The following SAMD12 variants were observed in gnomAD, a reference collection of about 807,000 sequenced individuals.
The protein encoded by SAMD12 is sterile alpha motif domain-containing protein 12.
A neutral mutation model predicts 15.0 loss-of-function variants in SAMD12; 9 were observed. The observed-to-expected ratio is 0.60, with a 90% CI of 0.36 to 1.05. The LOEUF (loss-of-function observed/expected upper bound fraction) is 1.05. SAMD12 is among the 50% of genes least tolerant of loss of function. The pLI, the probability that SAMD12 is intolerant of heterozygous loss-of-function variation, is 0.01. For synonymous variants in SAMD12, 86 were observed against 90.1 expected (o/e 0.96, Z 0.25); for missense variants, 230 against 234.2 (o/e 0.98, Z 0.12).
chr8:118,331,942 G>T (rs1294234110), intron 4 of SAMD12, among the ~76,000 whole-genome samples: 3 of 152,142 alleles, frequency 2.0e-5, no homozygotes, highest in Admixed American at 2.0e-4. Flanking sequence ...TTAGAACATA[G>T]ATTTTAAACA....
chr8:118,614,900 C>T (rs1828204085), intron 1 of SAMD12, among the ~76,000 whole-genome samples: 1 of 152,226 alleles, frequency 6.6e-6, no homozygotes, highest in Admixed American at 6.5e-5. Flanking sequence ...GGTGCTGCTA[C>T]ATTCCACTTC....
Position 118,489,576 on chromosome 8 carries a change from C to T in SAMD12, c.193-49615G>A, listed in dbSNP as rs545959224. On this transcript the variant is annotated intron_variant, in intron 2 of 3. Transcript: ENST00000314727. ...CCTTAAAGATCTCTAGAGAAACCAC[C>T]TTGATAAATTTCTTTCAGTAGCCTG... Among the ~76,000 whole-genome samples, 420 of 152,230 alleles carry T rather than the reference C, an allele frequency of 2.8e-3. 1 individual carries two copies. Among genetic ancestry groups the T allele is most frequent in the African/African-American group, 9.5e-3 (393 of 41,544 alleles).
At chr8:118,468,272 G>C (rs1218132713) in intron 2 of SAMD12, among the ~76,000 whole-genome samples, 1 of 152,128 alleles carries the variant, frequency 6.6e-6, no homozygotes, top group African/African-American at 2.4e-5. Context: ...GATTCACCAG[G>C]TGGTAACATG....
chr8:118,562,153 T>C (rs1183366708), intron 2 of SAMD12, among the ~76,000 whole-genome samples: 2 of 152,244 alleles, frequency 1.3e-5, no homozygotes, highest in South Asian at 2.1e-4. Flanking sequence ...CAAAGGCTTA[T>C]GAGTTCCTGA....
At chr8:118,461,496 T>A (rs1401900003) in intron 2 of SAMD12, among the ~76,000 whole-genome samples, 1 of 152,190 alleles carries the variant, frequency 6.6e-6, no homozygotes, top group Admixed American at 6.5e-5. Flanking sequence ...CCAATTCCGT[T>A]CTTCTCAGCA....
chr8:118,619,696 G>T (rs1828342579), intron 1 of SAMD12, among the ~76,000 whole-genome samples: 1 of 152,104 alleles, frequency 6.6e-6, no homozygotes, highest in Admixed American at 6.5e-5. Flanking sequence ...TAACCCCCAA[G>T]GGGGTTAGAG....
At chr8:118,468,124 A>C (rs1823649869) in intron 2 of SAMD12, among the ~76,000 whole-genome samples, 1 of 152,214 alleles carries the variant, frequency 6.6e-6, no homozygotes, top group African/African-American at 2.4e-5. Flanking sequence ...ACTGTAACAC[A>C]CAGCAGAGTA....
chr8:118,502,694 A>C (rs1824818759), intron 2 of SAMD12, among the ~76,000 whole-genome samples: 1 of 152,248 alleles, frequency 6.6e-6, no homozygotes, highest in African/African-American at 2.4e-5. Flanking sequence ...CACCGCTATA[A>C]TTTTGAAGAA....
intron 2 of SAMD12, among the ~76,000 whole-genome samples, chr8:118,464,063 A>G (rs947117440): frequency 6.6e-6 from 1 of 152,210 alleles, no homozygotes; most frequent in Non-Finnish European, 1.5e-5. Flanking sequence ...TCATAAGAGC[A>G]ACAGTGTTGC....
At chr8:118,463,445 T>TA (rs749430868) in intron 2 of SAMD12, among the ~76,000 whole-genome samples, 36 of 152,150 alleles carry the variant, frequency 2.4e-4, no homozygotes, top group South Asian at 6.2e-4. Context: ...TGTGGGAAGT[T>TA]GAGCAGGTGG....
chr8:118,386,534 G>C (rs1263325790), intron 3 of SAMD12, among the ~76,000 whole-genome samples: 1 of 152,186 alleles, frequency 6.6e-6, no homozygotes, highest in African/African-American at 2.4e-5. Context: ...ACCTGATGCT[G>C]TTGGGTGGAT....
In SAMD12 at chr8:118,285,322, T is replaced by C. The variant is rs970447759; in HGVS notation, c.434-87590A>G. ...GAGAGATCCAATAGTCCCTATGTTA[T>C]AGTGATCATATAAACTTTGGAGACT... On this transcript the variant is annotated intron_variant, in intron 4 of 4. Transcript: ENST00000409003. Among the ~76,000 whole-genome samples the C allele has an allele frequency of 3.9e-5, 6 of 152,198 alleles. 1 individual carries two copies. In the South Asian group the frequency reaches 1.2e-3, roughly 31 times the overall value.
chr8:118,318,327 T>TATATACATATAC (rs1816038406), intron 4 of SAMD12, among the ~76,000 whole-genome samples: 1 of 35,056 alleles, frequency 2.9e-5, no homozygotes, highest in African/African-American at 7.7e-5. Flanking sequence ...TATATATATA[T>TATATACATATAC]ATATATATAT....
chr8:118,277,181 C>G (rs932308072), intron 4 of SAMD12, among the ~76,000 whole-genome samples: 1 of 152,184 alleles, frequency 6.6e-6, no homozygotes, highest in Non-Finnish European at 1.5e-5. Flanking sequence ...ACAGCTGATT[C>G]AATCTGCTAT....
rs186885006 is a variant in SAMD12 at position 118,362,081 on chromosome 8, G to A, written c.433+17479C>T. ...GCTGCGGAAGGTCTTCAGTGATAGA[G>A]CACTTTGGTGGGGGTGGGGAGTGGG... On this transcript the variant is annotated intron_variant, in intron 4 of 4. Coordinates refer to the SAMD12 transcript ENST00000409003. Among the ~76,000 whole-genome samples, 499 of 151,896 alleles carry A rather than the reference G, an allele frequency of 3.3e-3. 3 individuals are homozygous for A. The highest frequency in any genetic ancestry group is 3.2e-3 in the Non-Finnish European group (215 of 67,968).
intron 1 of SAMD12, among the ~76,000 whole-genome samples, chr8:118,605,765 AATATATATATATATATATAT>A (rs55785102): frequency 1.2e-4 from 15 of 127,596 alleles, no homozygotes; most frequent in African/African-American, 3.5e-4. Flanking sequence ...AACCCATCAC[AATATATATATATATATATAT>A]ATATATATAT....
At chr8:118,491,969 G>A (rs1365543420) in intron 2 of SAMD12, among the ~76,000 whole-genome samples, 1 of 152,040 alleles carries the variant, frequency 6.6e-6, no homozygotes, top group African/African-American at 2.4e-5. Flanking sequence ...TGGTAGAATC[G>A]CTGAGTCACT....
chr8:118,205,916 T>C (rs1819849101), intron 4 of SAMD12, among the ~76,000 whole-genome samples: 1 of 151,962 alleles, frequency 6.6e-6, no homozygotes, highest in African/African-American at 2.4e-5. Flanking sequence ...TCCTCAGCCC[T>C]TGGGGAAAAA....
chr8:118,147,317 A>G, the SAMD12 span, among the ~76,000 whole-genome samples: 1 of 150,350 alleles, frequency 6.7e-6, no homozygotes, highest in Non-Finnish European at 1.5e-5. Context: ...GAGCCACCAC[A>G]CCCAGCCAGC....
Sources: allele counts gnomAD v4.1 joint callset (sites outside exome capture counted in the v4.1 genomes callset), GRCh38; gene constraint gnomAD v4.1.1; transcripts MANE v1.5; gene names NCBI Gene and HGNC (gene_info 2026-07-23, HGNC 2026-07-21).